The following SLC35F3 variants were observed in gnomAD, a reference collection of about 807,000 sequenced individuals.
SLC35F3 encodes solute carrier family 35 member F3.
SLC35F3 carries 25 observed loss-of-function variants against 49.9 expected under a neutral mutation model. That is an observed-to-expected ratio of 0.50 (90% CI 0.37 to 0.70). SLC35F3 has a LOEUF of 0.70. SLC35F3 is among the 30% of genes least tolerant of loss of function. The probability of loss-of-function intolerance (pLI) is 0.00; values close to 1 mark genes in which losing one functional copy is unlikely to be tolerated. For synonymous variants in SLC35F3, 275 were observed against 265.4 expected, an observed-to-expected ratio of 1.04 and a Z score of -0.35; for missense variants, 525 against 639.8, an observed-to-expected ratio of 0.82 and a Z score of 1.94.
intron 2 of SLC35F3, among the ~76,000 whole-genome samples, chr1:233,910,912 G>C (rs1661863793): frequency 6.6e-6 from 1 of 152,160 alleles, no homozygotes; most frequent in Non-Finnish European, 1.5e-5. Context: ...AAGACCAACT[G>C]TCTCTAGCCC....
At chr1:234,198,370 C>T (rs1371255262) in intron 2 of SLC35F3, among the ~76,000 whole-genome samples, 1 of 152,152 alleles carries the variant, frequency 6.6e-6, no homozygotes, top group African/African-American at 2.4e-5. Context: ...CATTTATGCA[C>T]AAGTTTCTGT....
chr1:234,246,133 G>A lies in SLC35F3; in HGVS notation c.608+14392G>A, dbSNP rs559585913. On this transcript the variant is annotated intron_variant, in intron 3 of 7. Transcript: ENST00000366618. ...GGTGTTTAGAGAGAGTAGTACACTG[G>A]CCTCTGTTAGGAAGATGTGTTACTG... Among the ~76,000 whole-genome samples the A allele has an allele frequency of 2.0e-5, 3 of 152,286 alleles. No homozygotes were observed. In the East Asian group the frequency reaches 5.8e-4, roughly 29 times the overall value.
chr1:233,978,683 T>C (rs1663130812), intron 2 of SLC35F3, among the ~76,000 whole-genome samples: 1 of 152,178 alleles, frequency 6.6e-6, no homozygotes. Context: ...TTCATGGTGT[T>C]TATAGGATGT....
intron 2 of SLC35F3, among the ~76,000 whole-genome samples, chr1:234,219,506 C>CAG (rs142148975): frequency 1.6e-4 from 25 of 152,332 alleles, no homozygotes; most frequent in Non-Finnish European, 2.4e-4. Context: ...CTTGATCCAA[C>CAG]AGAGCTTCCA....
intron 2 of SLC35F3, among the ~76,000 whole-genome samples, chr1:233,954,936 C>T (rs1229018456): frequency 1.3e-5 from 2 of 152,160 alleles, no homozygotes; most frequent in South Asian, 2.1e-4. Context: ...CTCTGCTTCC[C>T]GGGTTCCAGC....
At chr1:234,229,085 C>T (rs960769254) in intron 2 of SLC35F3, among the ~76,000 whole-genome samples, 1 of 152,054 alleles carries the variant, frequency 6.6e-6, no homozygotes, top group East Asian at 1.9e-4. Flanking sequence ...CACAGTAGTC[C>T]CTACCACAGG....
chr1:233,975,004 C>T (rs1663058514), intron 2 of SLC35F3, among the ~76,000 whole-genome samples: 1 of 152,202 alleles, frequency 6.6e-6, no homozygotes, highest in Admixed American at 6.5e-5. Flanking sequence ...AGGGACACCC[C>T]TGGGCATGGA....
At chr1:234,171,109 A>T (rs1031246330) in intron 2 of SLC35F3, among the ~76,000 whole-genome samples, 3 of 152,224 alleles carry the variant, frequency 2.0e-5, no homozygotes, top group Non-Finnish European at 2.9e-5. Flanking sequence ...TGAAACCACC[A>T]GCAGCACCTG....
chr1:234,218,068 G>A (rs1667150215), intron 2 of SLC35F3, among the ~76,000 whole-genome samples: 1 of 152,230 alleles, frequency 6.6e-6, no homozygotes, highest in Admixed American at 6.5e-5. Flanking sequence ...GGTTTGAAAA[G>A]TGTGTTCTGG....
In SLC35F3 at chr1:233,904,805, G is replaced by A; in HGVS notation, c.-273G>A. ...GACGGTGACGGGCGTGGGGCGCGGC[G>A]CTGCCTCGGCTGCCGGGTCGTTGCG... On this transcript the variant is annotated 5_prime_UTR_variant, in exon 1 of 8. Coordinates refer to ENST00000366618, the MANE Select transcript of SLC35F3 (RefSeq NM_173508.4). 6.0e-6 allele frequency: 1 copy of A among 167,656 alleles called. No individual in the cohort carries two copies. The highest frequency in any genetic ancestry group is 1.3e-5 in the Non-Finnish European group (1 of 78,924). The allele number at this position is 167,656 out of a possible 1,614,324, so 10.4% of individuals were successfully genotyped here.
chr1:233,996,322 T>A (rs1226391572), intron 2 of SLC35F3, among the ~76,000 whole-genome samples: 1 of 152,192 alleles, frequency 6.6e-6, no homozygotes, highest in Non-Finnish European at 1.5e-5. Flanking sequence ...GTGTAGGTTA[T>A]ATGCAAACAC....
chr1:234,291,216 T>C (rs1668502395), intron 3 of SLC35F3, among the ~76,000 whole-genome samples: 2 of 152,220 alleles, frequency 1.3e-5, no homozygotes, highest in Non-Finnish European at 2.9e-5. Flanking sequence ...TCAATTCTGA[T>C]TGCTAGAGCA....
chr1:234,128,699 A>G (rs1224857477), intron 2 of SLC35F3, among the ~76,000 whole-genome samples: 2 of 152,222 alleles, frequency 1.3e-5, no homozygotes, highest in East Asian at 1.9e-4. Flanking sequence ...AAGGCATGTT[A>G]TGTCCAGGGA....
chr1:234,128,614 G>A (rs1665684895), intron 2 of SLC35F3, among the ~76,000 whole-genome samples: 1 of 152,158 alleles, frequency 6.6e-6, no homozygotes, highest in Non-Finnish European at 1.5e-5. Context: ...ATGAAGAGGG[G>A]ATGATAGTTT....
intron 2 of SLC35F3, among the ~76,000 whole-genome samples, chr1:233,974,349 A>G (rs1361037421): frequency 6.6e-6 from 1 of 151,578 alleles, no homozygotes; most frequent in Non-Finnish European, 1.5e-5. Context: ...CACCCTCGGC[A>G]GATTTTGTAT....
At chr1:234,118,240 A>G (rs1006978975) in intron 2 of SLC35F3, among the ~76,000 whole-genome samples, 8 of 152,088 alleles carry the variant, frequency 5.3e-5, no homozygotes, top group African/African-American at 1.7e-4. Flanking sequence ...TCCTGACTTC[A>G]TGTTACCCTG....
intron 3 of SLC35F3, among the ~76,000 whole-genome samples, chr1:234,273,765 A>T (rs1380726963): frequency 1.3e-5 from 2 of 152,260 alleles, no homozygotes; most frequent in South Asian, 4.1e-4. Flanking sequence ...TTGATGGAGG[A>T]TTCATGAAAT....
chr1:234,063,292 T>C (rs1217799928), intron 2 of SLC35F3, among the ~76,000 whole-genome samples: 8 of 152,180 alleles, frequency 5.3e-5, no homozygotes, highest in Non-Finnish European at 1.2e-4. Context: ...TACAAAAATT[T>C]CCAGAGCTTA....
At chr1:234,219,184 G>T (rs1320491861) in intron 2 of SLC35F3, among the ~76,000 whole-genome samples, 2 of 152,044 alleles carry the variant, frequency 1.3e-5, no homozygotes, top group Non-Finnish European at 2.9e-5. Context: ...CTTTGGGAGT[G>T]TTGGGTGATC....
Sources: gnomAD v4.1 joint callset for allele counts (sites outside exome capture counted in the v4.1 genomes callset) on GRCh38, gnomAD v4.1.1 for gene constraint, MANE v1.5 for transcripts, NCBI Gene and HGNC (gene_info 2026-07-23, HGNC 2026-07-21) for gene names.